PLD5: variants seen among roughly 807,000 people sequenced by gnomAD.
The protein encoded by PLD5 is inactive phospholipase D5.
A neutral mutation model predicts 61.1 loss-of-function variants in PLD5; 36 were observed. The observed-to-expected ratio is 0.59, with a 90% CI of 0.45 to 0.78. The LOEUF is 0.78. Among genes scored for constraint, PLD5 ranks in the 30% least tolerant of loss-of-function variants. PLD5 has a pLI of 0.00. For missense variants in PLD5, 515 were observed against 644.4 expected, an observed-to-expected ratio of 0.80 and a Z score of 2.17; for synonymous variants, 243 against 242.8, an observed-to-expected ratio of 1.00 and a Z score of -0.01.
At chr1:242,291,918 G>A (rs2149143104) in intron 2 of PLD5, among the ~76,000 whole-genome samples, 1 of 152,238 alleles carries the variant, frequency 6.6e-6, no homozygotes, top group East Asian at 1.9e-4. Context: ...CCAGTCCAAA[G>A]CCTAAAGTGA....
chr1:242,212,382 G>A (rs1669883438), intron 5 of PLD5, among the ~76,000 whole-genome samples: 1 of 152,164 alleles, frequency 6.6e-6, no homozygotes, highest in African/African-American at 2.4e-5. Context: ...TTAAAAATAC[G>A]AAAAAACATT....
intron 5 of PLD5, among the ~76,000 whole-genome samples, chr1:242,170,591 G>T (rs1666675170): frequency 6.6e-6 from 1 of 152,096 alleles, no homozygotes; most frequent in Non-Finnish European, 1.5e-5. Context: ...CAGAAGGTGG[G>T]TAATAACAAA....
chr1:242,484,944 A>T (rs1289056069), intron 1 of PLD5, among the ~76,000 whole-genome samples: 2 of 152,170 alleles, frequency 1.3e-5, no homozygotes, highest in African/African-American at 4.8e-5. Flanking sequence ...TATAAACAGA[A>T]CCAAAGACAA....
chr1:242,308,131 C>CT (rs1306729207), intron 2 of PLD5, among the ~76,000 whole-genome samples: 2 of 151,980 alleles, frequency 1.3e-5, no homozygotes, highest in Non-Finnish European at 2.9e-5. Context: ...TTATAATTAA[C>CT]TTTTTAATTT....
At chr1:242,142,457 A>G (rs965217647) in intron 5 of PLD5, among the ~76,000 whole-genome samples, 38 of 152,134 alleles carry the variant, frequency 2.5e-4, no homozygotes, top group African/African-American at 8.9e-4. Flanking sequence ...ATATTTCCAA[A>G]TGGGAGCAAC....
At chr1:242,449,389 C>T in intron 1 of PLD5, 1 of 1,536,110 alleles carries the variant, frequency 6.5e-7, no homozygotes, top group South Asian at 1.2e-5. Context: ...CCTGCGGAGT[C>T]CAGCAGCCAG....
chr1:242,494,575 G>A (rs1668300393), intron 1 of PLD5, among the ~76,000 whole-genome samples: 1 of 152,090 alleles, frequency 6.6e-6, no homozygotes, highest in African/African-American at 2.4e-5. Context: ...TCTGCACCAG[G>A]CTTTACAGAG....
At position 242,087,348 on chromosome 1, in the gene PLD5, G is replaced by T. The variant is rs189810002; in HGVS notation, c.*2506C>A. The stretch of plus-strand genomic sequence containing the variant: ...AGGAAATGGCAATGATGGTCATTCC[G>T]TAATGGATGACATTCTCTTCTCGTA... On this transcript the variant is annotated 3_prime_UTR_variant, in exon 10 of 10. Transcript: ENST00000536534. 1 of 152,144 alleles carries T rather than the reference G, an allele frequency of 6.6e-6. No homozygotes were observed. The highest frequency in any genetic ancestry group is 1.5e-5 in the Non-Finnish European group (1 of 68,044). 9.4% of individuals were successfully genotyped at this position (152,144 alleles called of 1,614,324 possible). A position where few individuals can be genotyped will look rare whatever the true frequency, so the allele number is the denominator to read the frequency against.
chr1:242,155,794 T>G (rs1183826850), intron 5 of PLD5, among the ~76,000 whole-genome samples: 1 of 152,196 alleles, frequency 6.6e-6, no homozygotes, highest in Admixed American at 6.5e-5. Context: ...TTAGAATAAG[T>G]GCGATGAGGT....
At chr1:242,483,491 T>C (rs1667854513) in intron 1 of PLD5, among the ~76,000 whole-genome samples, 1 of 152,206 alleles carries the variant, frequency 6.6e-6, no homozygotes, top group Non-Finnish European at 1.5e-5. Context: ...AAGGGATCAA[T>C]TCAACAAGAA....
chr1:242,459,301 ACAGATTTTTGAGGC>A (rs1667039760), intron 1 of PLD5, among the ~76,000 whole-genome samples: 1 of 152,220 alleles, frequency 6.6e-6, no homozygotes, highest in Admixed American at 6.5e-5. Flanking sequence ...AGCTAAAAGA[ACAGATTTTTGAGGC>A]CTCTCAAGCA....
At chr1:242,104,060 A>G (rs1660869198) in intron 8 of PLD5, among the ~76,000 whole-genome samples, 1 of 152,106 alleles carries the variant, frequency 6.6e-6, no homozygotes. Flanking sequence ...TCTTTTTTTG[A>G]TCCTCAGGGA....
At chr1:242,448,855 G>T (rs1306358749) in intron 1 of PLD5, among the ~76,000 whole-genome samples, 1 of 152,114 alleles carries the variant, frequency 6.6e-6, no homozygotes, top group Admixed American at 6.5e-5. Context: ...AAAAAATCAC[G>T]TGGAAGTTTG....
At chr1:242,223,742 A>G (rs1670751341) in intron 4 of PLD5, among the ~76,000 whole-genome samples, 1 of 152,136 alleles carries the variant, frequency 6.6e-6, no homozygotes. Flanking sequence ...TTCATGGACT[A>G]TCACTTCCCC....
chr1:242,189,625 AAGAG>A (rs1261480408), intron 5 of PLD5, among the ~76,000 whole-genome samples: 1 of 152,180 alleles, frequency 6.6e-6, no homozygotes, highest in Non-Finnish European at 1.5e-5. Context: ...TTAATTCTGG[AAGAG>A]AAAGACAAGC....
At chr1:242,394,964 TATG>T (rs1329950394) in intron 1 of PLD5, among the ~76,000 whole-genome samples, 4 of 115,080 alleles carry the variant, frequency 3.5e-5, no homozygotes, top group East Asian at 4.4e-4. Flanking sequence ...TATGAATATA[TATG>T]ATTATATATG....
chr1:242,473,789 T>C (rs1667509810), intron 1 of PLD5, among the ~76,000 whole-genome samples: 2 of 152,210 alleles, frequency 1.3e-5, no homozygotes, highest in African/African-American at 2.4e-5. Context: ...ACTGGGCTAA[T>C]ATGAGCTAGC....
intron 4 of PLD5, among the ~76,000 whole-genome samples, chr1:242,233,291 CAG>C (rs1671427234): frequency 6.6e-6 from 1 of 152,162 alleles, no homozygotes; most frequent in Admixed American, 6.6e-5. Flanking sequence ...GACTGAGTCT[CAG>C]GGGAAGGGAA....
chr1:242,215,821 G>C (rs760882001), intron 5 of PLD5, among the ~76,000 whole-genome samples: 48 of 152,184 alleles, frequency 3.2e-4, no homozygotes, highest in Non-Finnish European at 5.4e-4. Context: ...TCTGGACACA[G>C]ACACCATTCA....
Sources: gnomAD v4.1 joint callset for allele counts (sites outside exome capture counted in the v4.1 genomes callset) on GRCh38, gnomAD v4.1.1 for gene constraint, MANE v1.5 for transcripts, NCBI Gene and HGNC (gene_info 2026-07-23, HGNC 2026-07-21) for gene names.